Variants in LOC122539214 observed in about 807,000 individuals in gnomAD.
chr19:52,650,864 A>T, the LOC122539214 span: 1 of 152,210 alleles, frequency 6.6e-6, no homozygotes. Flanking sequence ...ACAGCAGAAG[A>T]AAGCTACATC....
At chr19:52,673,919 G>C in the LOC122539214 span, among the ~76,000 whole-genome samples, 1 of 149,308 alleles carries the variant, frequency 6.7e-6, no homozygotes, top group African/African-American at 2.5e-5. Flanking sequence ...GGGAGGCTGA[G>C]GCAGGAGAAT....
the LOC122539214 span, among the ~76,000 whole-genome samples, chr19:52,679,190 G>A: frequency 6.6e-6 from 1 of 152,228 alleles, no homozygotes; most frequent in Non-Finnish European, 1.5e-5. Flanking sequence ...GAGGCTGTGA[G>A]CCCAAATGAC....
chr19:52,657,970 C>G, the LOC122539214 span, among the ~76,000 whole-genome samples: 1 of 151,692 alleles, frequency 6.6e-6, no homozygotes, highest in South Asian at 2.1e-4. Context: ...AACTCTGTCT[C>G]TACTAAAAAT....
the LOC122539214 span, among the ~76,000 whole-genome samples, chr19:52,672,003 C>T: frequency 1.3e-5 from 2 of 152,036 alleles, no homozygotes; most frequent in African/African-American, 2.4e-5. Context: ...GAGGTCGAGG[C>T]AGGTGGATGA....
the LOC122539214 span, among the ~76,000 whole-genome samples, chr19:52,687,594 ATAATGTATATATATATAATG>A: frequency 0.02 from 755 of 38,238 alleles, 107 homozygotes; most frequent in African/African-American, 0.17. Context: ...ATATATATAT[ATAATGTATATATATATAATG>A]TGTATATATA....
the LOC122539214 span, among the ~76,000 whole-genome samples, chr19:52,688,139 A>C: frequency 5.6e-4 from 85 of 151,952 alleles, no homozygotes; most frequent in Middle Eastern, 3.4e-3. Context: ...TAGCCAATAA[A>C]CTCACCTACT....
At chr19:52,682,929 G>A in the LOC122539214 span, among the ~76,000 whole-genome samples, 2 of 152,028 alleles carry the variant, frequency 1.3e-5, no homozygotes, top group African/African-American at 2.4e-5. Flanking sequence ...GGAGTACAGT[G>A]GCACCATCTC....
chr19:52,657,913 G>A, the LOC122539214 span, among the ~76,000 whole-genome samples: 1 of 151,484 alleles, frequency 6.6e-6, no homozygotes, highest in Non-Finnish European at 1.5e-5. Flanking sequence ...AAGGCGGGGG[G>A]ATCACCTGAG....
At chr19:52,668,295 T>G in the LOC122539214 span, among the ~76,000 whole-genome samples, 1 of 152,154 alleles carries the variant, frequency 6.6e-6, no homozygotes, top group Admixed American at 6.5e-5. Flanking sequence ...ACATCACACC[T>G]GAGTCAAGCA....
the LOC122539214 span, among the ~76,000 whole-genome samples, chr19:52,664,464 C>G: frequency 6.6e-6 from 1 of 151,910 alleles, no homozygotes; most frequent in Non-Finnish European, 1.5e-5. Context: ...TAACAGCTCT[C>G]CAACCTGGGT....
chr19:52,689,196 T>C, the LOC122539214 span, among the ~76,000 whole-genome samples: 2,869 of 152,300 alleles, frequency 0.019, 37 homozygotes, highest in Middle Eastern at 0.044. Context: ...AAAACCCTGC[T>C]CTGTCTTTGT....
At chr19:52,680,654 C>G in the LOC122539214 span, among the ~76,000 whole-genome samples, 1 of 134,154 alleles carries the variant, frequency 7.5e-6, no homozygotes, top group Non-Finnish European at 1.5e-5. Context: ...GCTCTGTCGC[C>G]CAGGCTGGAG....
chr19:52,654,316 T>C, the LOC122539214 span: 1 of 1,477,518 alleles, frequency 6.8e-7, no homozygotes, highest in Non-Finnish European at 9.4e-7. Flanking sequence ...ATGACTTTTA[T>C]GTCTTTGCAA....
the LOC122539214 span, among the ~76,000 whole-genome samples, chr19:52,680,606 A>AT: frequency 0.15 from 13,042 of 88,968 alleles, 1,063 homozygotes; most frequent in Non-Finnish European, 0.2. Flanking sequence ...TCCACAAAAT[A>AT]TTTTTTTTTT....
chr19:52,669,754 T>A, the LOC122539214 span, among the ~76,000 whole-genome samples: 1 of 152,164 alleles, frequency 6.6e-6, no homozygotes, highest in Non-Finnish European at 1.5e-5. Flanking sequence ...ACAGCCGTAA[T>A]GGGTGTACTT....
the LOC122539214 span, among the ~76,000 whole-genome samples, chr19:52,680,698 C>G: frequency 2.1e-5 from 3 of 141,894 alleles, no homozygotes; most frequent in Non-Finnish European, 4.5e-5. Context: ...CTGCAAGCTC[C>G]GCCTCCCGGG....
chr19:52,675,408 G>A, the LOC122539214 span, among the ~76,000 whole-genome samples: 1 of 152,160 alleles, frequency 6.6e-6, no homozygotes, highest in Non-Finnish European at 1.5e-5. Flanking sequence ...ATATATCAAG[G>A]GGGATACAAG....
chr19:52,671,657 A>G, the LOC122539214 span, among the ~76,000 whole-genome samples: 127 of 152,246 alleles, frequency 8.3e-4, 4 homozygotes, highest in East Asian at 0.023. Context: ...TGCTCAGGCT[A>G]GCCTTCAACT....
At chr19:52,674,011 A>AT in the LOC122539214 span, among the ~76,000 whole-genome samples, 24 of 121,892 alleles carry the variant, frequency 2.0e-4, no homozygotes, top group Admixed American at 4.2e-4. Context: ...GTGAGACTCC[A>AT]TCTCAAAAAA....
Sources: allele counts gnomAD v4.1 joint callset (sites outside exome capture counted in the v4.1 genomes callset), GRCh38; gene constraint gnomAD v4.1.1; transcripts MANE v1.5.